Variants in SYNPR observed in about 807,000 individuals in gnomAD.
The protein encoded by SYNPR is synaptoporin.
A neutral mutation model predicts 32.9 loss-of-function variants in SYNPR; 23 were observed. The observed-to-expected ratio is 0.70, with a 90% CI of 0.50 to 0.99. The LOEUF (loss-of-function observed/expected upper bound fraction) is 0.99. SYNPR is among the 50% of genes least tolerant of loss of function. SYNPR has a pLI of 0.00. For synonymous variants in SYNPR, 146 were observed against 135.9 expected, an observed-to-expected ratio of 1.07 and a Z score of -0.52; for missense variants, 318 against 349.3, an observed-to-expected ratio of 0.91 and a Z score of 0.71.
Position 63,535,963 on chromosome 3 carries a change from T to G in SYNPR, c.210-20580T>G, listed in dbSNP as rs191146456. Among the ~76,000 whole-genome samples, 320 of 152,138 alleles carry G rather than the reference T, an allele frequency of 2.1e-3. 2 individuals carry two copies. Among genetic ancestry groups the G allele is most frequent in the Non-Finnish European group, 3.3e-3 (227 of 67,990 alleles). The stretch of plus-strand genomic sequence containing the variant: ...TTTCATCACAAATTTTAAAAACATT[T>G]GTATTTTAAAGGACTCTATCAGCCA... On this transcript the variant is annotated intron_variant, in intron 3 of 5. Transcript: ENST00000478300.
rs1410202519 is a variant in SYNPR, at chr3:63,408,273, GAAAGAGGA to G, written c.85-72557_85-72550del. Among the ~76,000 whole-genome samples the G allele has an allele frequency of 1.6e-3, 157 of 100,008 alleles. 5 individuals carry two copies. The highest frequency in any genetic ancestry group is 2.1e-3 in the Non-Finnish European group (107 of 50,582). The allele number at this position is 100,008 out of a possible 152,430, so 65.6% of individuals were successfully genotyped here. A position where few individuals can be genotyped will look rare whatever the true frequency, so the allele number is the denominator to read the frequency against. On this transcript the variant is annotated intron_variant, in intron 2 of 5. Transcript: ENST00000478300. Reference sequence around the variant, plus strand: ...AGAAAGAAAGAAAGAAAGAAAGAAAGAAAGAGGAAGGAAGGAAGGAAGGAAGGAAGGAA... The same window carrying G: ...AGAAAGAAAGAAAGAAAGAAAGAAAGAGGAAGGAAGGAAGGAAGGAAGGAA...
intron 2 of SYNPR, among the ~76,000 whole-genome samples, chr3:63,405,317 C>T (rs1312269496): frequency 2.0e-5 from 3 of 152,162 alleles, no homozygotes; most frequent in African/African-American, 7.2e-5. Flanking sequence ...AAGGAAAACA[C>T]ACAACACAGG....
chr3:63,203,984 G>A, the SYNPR span, among the ~76,000 whole-genome samples: 1 of 152,096 alleles, frequency 6.6e-6, no homozygotes, highest in Non-Finnish European at 1.5e-5. Flanking sequence ...GGGGCAACAA[G>A]AGCAAAACTC....
At chr3:63,278,626 C>CA in intron 1 of SYNPR, 51 bp from the exon 2 acceptor site, 1 of 1,550,682 alleles carries the variant, frequency 6.4e-7, no homozygotes, top group South Asian at 1.2e-5. Context: ...GAGGCGCCCC[C>CA]AGCCCCTTCC....
chr3:63,508,097 T>C (rs1344856553), intron 3 of SYNPR, among the ~76,000 whole-genome samples: 1 of 152,166 alleles, frequency 6.6e-6, no homozygotes, highest in Non-Finnish European at 1.5e-5. Flanking sequence ...ATTCAGACTT[T>C]TCAAATTCTC....
At chr3:63,203,074 A>ATATATATATATATGTATGTG in the SYNPR span, 2 of 21,858 alleles carry the variant, frequency 9.1e-5, no homozygotes, top group East Asian at 5.5e-3. Context: ...ATGTGTATAT[A>ATATATATATATATGTATGTG]TATATATATA....
intron 2 of SYNPR, among the ~76,000 whole-genome samples, chr3:63,410,084 T>C (rs1029650606): frequency 6.6e-6 from 1 of 152,162 alleles, no homozygotes; most frequent in Non-Finnish European, 1.5e-5. Context: ...ACATTGTTTG[T>C]TAACACAGCT....
chr3:63,554,808 G>A (rs979708785), intron 3 of SYNPR, among the ~76,000 whole-genome samples: 1 of 152,032 alleles, frequency 6.6e-6, no homozygotes, highest in African/African-American at 2.4e-5. Flanking sequence ...CTGGGCAATA[G>A]GGCTATTTTA....
chr3:63,613,084 T>C (rs116256145), intron 5 of SYNPR, among the ~76,000 whole-genome samples: 1 of 151,862 alleles, frequency 6.6e-6, no homozygotes, highest in Admixed American at 6.6e-5. Flanking sequence ...GGGATACTGC[T>C]GCCTCAGCCT....
At position 63,572,727 on chromosome 3, in the gene SYNPR, C is replaced by A. The variant is rs78751415; in HGVS notation, c.408+15986C>A. On this transcript the variant is annotated intron_variant, in intron 4 of 5. Coordinates refer to ENST00000478300, the MANE Select transcript of SYNPR (RefSeq NM_001130003.2). ...AATTAGAAAGGTTCTATTAAATCAA[C>A]CGAAGTCAAAGCCGATTTCACTCCA... Among the ~76,000 whole-genome samples the A allele has an allele frequency of 2.7e-3, 409 of 152,214 alleles. 11 individuals are homozygous for A. In the East Asian group the frequency reaches 0.056, roughly 21 times the overall value.
chr3:63,473,389 T>C (rs1700841416), intron 2 of SYNPR, among the ~76,000 whole-genome samples: 1 of 152,070 alleles, frequency 6.6e-6, no homozygotes, highest in Non-Finnish European at 1.5e-5. Context: ...AGGATATTGA[T>C]TGATTGATTG....
intron 2 of SYNPR, among the ~76,000 whole-genome samples, chr3:63,462,551 A>G (rs72885469): frequency 0.037 from 5,683 of 152,242 alleles, 366 homozygotes; most frequent in African/African-American, 0.13. Flanking sequence ...TACATTCATT[A>G]ACCTCCAATT....
chr3:63,479,446 G>GCGCGCGCACGCACACACACA (rs6147854), intron 2 of SYNPR, among the ~76,000 whole-genome samples: 1 of 135,742 alleles, frequency 7.4e-6, no homozygotes, highest in South Asian at 2.1e-4. Context: ...CCACACACAT[G>GCGCGCGCACGCACACACACA]CACACACACA....
At chr3:63,511,207 G>A (rs866585599) in intron 3 of SYNPR, among the ~76,000 whole-genome samples, 17 of 152,118 alleles carry the variant, frequency 1.1e-4, no homozygotes, top group South Asian at 4.2e-4. Context: ...TCCTGCTCAC[G>A]GGCTGGGGTG....
chr3:63,254,889 G>C (rs1355266915), intron 2 of SYNPR, among the ~76,000 whole-genome samples: 1 of 152,192 alleles, frequency 6.6e-6, no homozygotes, highest in Non-Finnish European at 1.5e-5. Flanking sequence ...GAATGGCCCA[G>C]ACAGGAACAG....
At chr3:63,493,812 T>C (rs1468445600) in intron 3 of SYNPR, among the ~76,000 whole-genome samples, 1 of 44,048 alleles carries the variant, frequency 2.3e-5, no homozygotes, top group Non-Finnish European at 4.5e-5. Flanking sequence ...CAAGACTCTG[T>C]CTCAAAAAAA....
At chr3:63,332,598 A>G (rs2087241951) in intron 2 of SYNPR, among the ~76,000 whole-genome samples, 1 of 152,192 alleles carries the variant, frequency 6.6e-6, no homozygotes, top group Non-Finnish European at 1.5e-5. Flanking sequence ...TTTAACCTTA[A>G]TAATAATGAA....
At chr3:63,547,564 G>A (rs1702430094) in intron 3 of SYNPR, among the ~76,000 whole-genome samples, 2 of 152,108 alleles carry the variant, frequency 1.3e-5, no homozygotes, top group African/African-American at 4.8e-5. Flanking sequence ...CCATGAGCCA[G>A]TGGAGCAATG....
intron 3 of SYNPR, among the ~76,000 whole-genome samples, chr3:63,488,190 C>A (rs1360673186): frequency 1.3e-5 from 2 of 152,142 alleles, no homozygotes; most frequent in Non-Finnish European, 2.9e-5. Context: ...GTGTGAAGGG[C>A]TGCAATTTTT....
Sources: allele counts gnomAD v4.1 joint callset (sites outside exome capture counted in the v4.1 genomes callset), GRCh38; gene constraint gnomAD v4.1.1; transcripts MANE v1.5; gene names NCBI Gene and HGNC (gene_info 2026-07-23, HGNC 2026-07-21).